CDYL2: variants seen among roughly 807,000 people sequenced by gnomAD.
CDYL2 encodes chromodomain Y-like protein 2.
CDYL2 carries 23 observed loss-of-function variants against 49.4 expected under a neutral mutation model. The observed-to-expected ratio is 0.47, with a 90% CI of 0.34 to 0.66. The LOEUF is 0.66. CDYL2 is among the 30% of genes least tolerant of loss of function. The pLI, the probability that CDYL2 is intolerant of heterozygous loss-of-function variation, is 0.01. For missense variants in CDYL2, 678 were observed against 656.4 expected, an observed-to-expected ratio of 1.03 and a Z score of -0.36; for synonymous variants, 360 against 268.8, an observed-to-expected ratio of 1.34 and a Z score of -3.32.
intron 4 of CDYL2, among the ~76,000 whole-genome samples, chr16:80,617,056 C>A (rs1171842928): frequency 6.6e-6 from 1 of 152,192 alleles, no homozygotes; most frequent in African/African-American, 2.4e-5. Flanking sequence ...GCCACCTTGT[C>A]ACCTATGACA....
intron 2 of CDYL2, among the ~76,000 whole-genome samples, chr16:80,669,939 G>A (rs978697537): frequency 1.3e-5 from 2 of 152,146 alleles, no homozygotes; most frequent in Admixed American, 6.5e-5. Context: ...GAGCTGACTC[G>A]GTCCTGTGAG....
At chr16:80,616,086 C>A (rs542223311) in intron 4 of CDYL2, among the ~76,000 whole-genome samples, 2 of 152,338 alleles carry the variant, frequency 1.3e-5, no homozygotes, top group South Asian at 2.1e-4. Flanking sequence ...TTCTGCCTGA[C>A]AAAGCTGCTG....
At chr16:80,716,160 T>G (rs1170596862) in intron 1 of CDYL2, among the ~76,000 whole-genome samples, 8 of 152,250 alleles carry the variant, frequency 5.3e-5, no homozygotes, top group Admixed American at 1.3e-4. Context: ...CACTCCTCAT[T>G]CTTATCTCAG....
intron 1 of CDYL2, among the ~76,000 whole-genome samples, chr16:80,764,803 G>C (rs1906658421): frequency 6.6e-6 from 1 of 152,018 alleles, no homozygotes; most frequent in South Asian, 2.1e-4. Context: ...GCTCAAGCCT[G>C]TAATCCCAGC....
At chr16:80,766,663 T>C (rs1479189728) in intron 1 of CDYL2, among the ~76,000 whole-genome samples, 1 of 152,186 alleles carries the variant, frequency 6.6e-6, no homozygotes, top group Non-Finnish European at 1.5e-5. Flanking sequence ...TTGTCTGAGA[T>C]GACACAACTA....
chr16:80,723,322 G>A (rs1038492714), intron 1 of CDYL2, among the ~76,000 whole-genome samples: 1 of 152,234 alleles, frequency 6.6e-6, no homozygotes, highest in Non-Finnish European at 1.5e-5. Flanking sequence ...CCCTAGCTTG[G>A]CATCAAGTCC....
chr16:80,607,152 T>C (rs187646281), intron 6 of CDYL2, among the ~76,000 whole-genome samples: 164 of 152,184 alleles, frequency 1.1e-3, no homozygotes, highest in African/African-American at 3.7e-3. Flanking sequence ...CGCGTGAGTG[T>C]TGACTAACAA....
At chr16:80,728,545 T>C (rs1905235623) in intron 1 of CDYL2, among the ~76,000 whole-genome samples, 2 of 152,172 alleles carry the variant, frequency 1.3e-5, no homozygotes, top group South Asian at 2.1e-4. Flanking sequence ...CCAGGAGAAC[T>C]TGCCCAATCT....
intron 1 of CDYL2, among the ~76,000 whole-genome samples, chr16:80,701,833 C>A (rs1322850012): frequency 6.6e-6 from 1 of 152,012 alleles, no homozygotes; most frequent in Non-Finnish European, 1.5e-5. Flanking sequence ...TAAAAATAGC[C>A]AAGAGATTTT....
rs927329090 is a variant in CDYL2, at chr16:80,620,615, A to C, written c.1007+148T>G. 2.0e-5 allele frequency: 12 copies of C among 599,336 alleles called. No individual in the cohort carries two copies. The African/African-American group carries it at 2.1e-4, about 11-fold the overall frequency. The allele number at this position is 599,336 out of a possible 1,614,324, so 37.1% of individuals were successfully genotyped here. Reference sequence around the variant, plus strand: ...TAAATAACCAACATTTTAAAAATGTAAGCAGACCTCGAGTATTGCACAGGA... The same window carrying C: ...TAAATAACCAACATTTTAAAAATGTCAGCAGACCTCGAGTATTGCACAGGA... On this transcript the variant is annotated intron_variant, in intron 4 of 6. Coordinates refer to ENST00000570137, the MANE Select transcript of CDYL2 (RefSeq NM_152342.4).
At chr16:80,674,673 C>T (rs1383247115) in intron 2 of CDYL2, among the ~76,000 whole-genome samples, 3 of 152,220 alleles carry the variant, frequency 2.0e-5, no homozygotes, top group African/African-American at 7.2e-5. Flanking sequence ...TCTACAGATT[C>T]ACCTATTCTG....
intron 2 of CDYL2, among the ~76,000 whole-genome samples, chr16:80,642,352 A>G (rs1257460715): frequency 6.6e-6 from 1 of 152,186 alleles, no homozygotes; most frequent in Non-Finnish European, 1.5e-5. Flanking sequence ...CTGAGTTGAG[A>G]GAATGGCTTG....
rs138822031 is a variant in CDYL2, at chr16:80,614,342, G to C, written c.1008-1506C>G. ...AAAAACCCACCAGTACCACTTCCAG[G>C]TGCACATCAAACCTCCCACCATGGC... is the stretch of plus-strand genomic sequence containing the variant. On this transcript the variant is annotated intron_variant, in intron 4 of 6. Coordinates refer to ENST00000570137, the MANE Select transcript of CDYL2 (RefSeq NM_152342.4). 1.0e-3 allele frequency among the ~76,000 whole-genome samples: 155 copies of C among 152,276 alleles called. 2 individuals are homozygous for C. The East Asian group carries it at 0.027, about 26-fold the overall frequency.
chr16:80,793,003 C>A (rs758321919), intron 1 of CDYL2, among the ~76,000 whole-genome samples: 6 of 152,208 alleles, frequency 3.9e-5, no homozygotes, highest in Non-Finnish European at 8.8e-5. Flanking sequence ...TTAGTTGTAA[C>A]CTCAATGCAG....
At chr16:80,715,931 T>G (rs1904782868) in intron 1 of CDYL2, among the ~76,000 whole-genome samples, 1 of 152,192 alleles carries the variant, frequency 6.6e-6, no homozygotes, top group African/African-American at 2.4e-5. Context: ...AGAAGTAGAT[T>G]CTAAGCCAGA....
chr16:80,782,463 G>C (rs142747878), intron 1 of CDYL2, among the ~76,000 whole-genome samples: 1 of 149,912 alleles, frequency 6.7e-6, no homozygotes, highest in African/African-American at 2.5e-5. Flanking sequence ...CTAAAAGGGA[G>C]GGTATACTTT....
At chr16:80,735,560 C>G (rs1306952560) in intron 1 of CDYL2, among the ~76,000 whole-genome samples, 1 of 152,148 alleles carries the variant, frequency 6.6e-6, no homozygotes, top group East Asian at 1.9e-4. Context: ...CTATAAGGCT[C>G]CAGTGATCTG....
At chr16:80,652,718 A>C (rs1908636911) in intron 2 of CDYL2, among the ~76,000 whole-genome samples, 1 of 152,202 alleles carries the variant, frequency 6.6e-6, no homozygotes, top group Non-Finnish European at 1.5e-5. Flanking sequence ...TATGAACTAT[A>C]GACCTGATAG....
rs971667914 is a variant in CDYL2 at position 80,601,399 on chromosome 16, G to A, written c.*2989C>T. The A allele has an allele frequency of 3.3e-5, 5 of 152,176 alleles. No homozygotes were observed. The highest frequency in any genetic ancestry group is 1.2e-4 in the African/African-American group (5 of 41,420). The allele number at this position is 152,176 out of a possible 1,614,324, so 9.4% of individuals were successfully genotyped here. ...TATTCTTTCAAACCCAAAGGTAATT[G>A]CAGGACGGGGCTGCCAAAATGAGCC... On this transcript the variant is annotated 3_prime_UTR_variant, in exon 7 of 7. Coordinates refer to ENST00000570137, the MANE Select transcript of CDYL2 (RefSeq NM_152342.4).
Sources: gnomAD v4.1 joint callset for allele counts (sites outside exome capture counted in the v4.1 genomes callset) on GRCh38, gnomAD v4.1.1 for gene constraint, MANE v1.5 for transcripts, NCBI Gene and HGNC (gene_info 2026-07-23, HGNC 2026-07-21) for gene names.